Variants in STARD6 observed in about 807,000 individuals in gnomAD.
STARD6 encodes the protein StAR related lipid transfer domain containing 6.
Under a neutral mutation model 22.3 loss-of-function variants are expected in STARD6, and 21 were observed. That is an observed-to-expected ratio of 0.94 (90% confidence interval 0.67 to 1.35). The LOEUF (loss-of-function observed/expected upper bound fraction) is 1.35, where lower values mean the gene tolerates loss of function less well. STARD6 is among the 40% of genes most tolerant of loss of function. The pLI is 0.00. For synonymous variants in STARD6, 80 were observed against 88.1 expected, an observed-to-expected ratio of 0.91 and a Z score of 0.52; for missense variants, 269 against 266.9, an observed-to-expected ratio of 1.01 and a Z score of -0.05.
intron 2 of STARD6, among the ~76,000 whole-genome samples, chr18:54,354,879 T>C (rs1599313629): frequency 6.6e-6 from 1 of 152,284 alleles, no homozygotes; most frequent in East Asian, 1.9e-4. Flanking sequence ...CAAGGTAAAA[T>C]TAGGATAATA....
intron 3 of STARD6, 142 bp from the exon 4 acceptor site, chr18:54,354,245 TCTCA>T (rs1327533740): frequency 4.8e-6 from 3 of 627,306 alleles, no homozygotes; most frequent in Non-Finnish European, 8.2e-6. Context: ...AGAGACAGGG[TCTCA>T]CTATGTTGCC....
chr18:54,331,954 C>T, intron 5 of STARD6, 95 bp from the exon 6 acceptor site: 5 of 801,564 alleles, frequency 6.2e-6, no homozygotes, highest in Non-Finnish European at 3.8e-6. Flanking sequence ...TGATTGGCCT[C>T]TATTTGGAAA....
At chr18:54,335,989 C>G (rs571781409) in intron 5 of STARD6, among the ~76,000 whole-genome samples, 3 of 152,168 alleles carry the variant, frequency 2.0e-5, no homozygotes, top group Non-Finnish European at 1.5e-5. Context: ...AATGCAACCT[C>G]TTTTCACCAT....
intron 4 of STARD6, among the ~76,000 whole-genome samples, chr18:54,347,044 A>G (rs1364820422): frequency 6.6e-6 from 1 of 152,120 alleles, no homozygotes; most frequent in African/African-American, 2.4e-5. Context: ...AGTAGGTGAA[A>G]TTTAGGGTAC....
chr18:54,339,611 A>G (rs554450290), intron 4 of STARD6, among the ~76,000 whole-genome samples: 6 of 152,300 alleles, frequency 3.9e-5, no homozygotes, highest in South Asian at 4.1e-4. Flanking sequence ...ACCAAAAAAG[A>G]ATTCTATATC....
chr18:54,343,523 C>T (rs1167443472), intron 4 of STARD6, among the ~76,000 whole-genome samples: 1 of 86,932 alleles, frequency 1.2e-5, no homozygotes, highest in Non-Finnish European at 2.4e-5. Context: ...GCCCGGCCAG[C>T]CGCCCCGTCC....
intron 4 of STARD6, among the ~76,000 whole-genome samples, chr18:54,346,057 C>T (rs931013599): frequency 8.5e-5 from 13 of 152,126 alleles, no homozygotes; most frequent in Middle Eastern, 3.4e-3. Flanking sequence ...CAACAGAAGA[C>T]GGATAAATTG....
chr18:54,326,968 C>G (rs2088829967), intron 7 of STARD6, among the ~76,000 whole-genome samples: 1 of 152,146 alleles, frequency 6.6e-6, no homozygotes, highest in Non-Finnish European at 1.5e-5. Flanking sequence ...GACTCAGGAA[C>G]TAGTCTGCCT....
At position 54,337,250 on chromosome 18, in the gene STARD6, A is replaced by G. The variant is rs982607043; in HGVS notation, c.142T>C (p.Tyr48His). The change falls in exon 5 of 8, where the codon TAT (tyrosine) becomes CAT (histidine). Residue 48 changes from tyrosine to histidine, a missense_variant and splice_region_variant. Tyr to His is a moderately conservative substitution (Grantham distance 83). Coordinates refer to ENST00000307844, the MANE Select transcript of STARD6 (RefSeq NM_139171.2). ...KASRKFHGNLYRVEGIIPESP... is the reference protein window; with the variant it reads ...KASRKFHGNLHRVEGIIPESP... ...TCTGGAATTATCCCTTCAACACGAT[A>G]TCTACAGTTAACAAAATAAAGAAAA... 6.2e-7 allele frequency: 1 copy of G among 1,606,742 alleles called. No homozygotes were observed. The highest frequency in any genetic ancestry group is 1.3e-5 in the African/African-American group (1 of 74,390).
intron 4 of STARD6, among the ~76,000 whole-genome samples, chr18:54,351,660 T>C (rs1448389414): frequency 3.9e-5 from 6 of 152,218 alleles, no homozygotes. Flanking sequence ...CAAAAAGAGA[T>C]GCTGGATTTT....
intron 6 of STARD6, 65 bp from the exon 7 acceptor site, chr18:54,329,505 A>G (rs2088849920): frequency 4.7e-6 from 6 of 1,290,160 alleles, no homozygotes; most frequent in Non-Finnish European, 6.5e-6. Flanking sequence ...TTCCAGCAGC[A>G]TATTTTTAGA....
At chr18:54,352,406 C>T (rs1405692175) in intron 4 of STARD6, among the ~76,000 whole-genome samples, 1 of 152,088 alleles carries the variant, frequency 6.6e-6, no homozygotes, top group Non-Finnish European at 1.5e-5. Context: ...GTGGTCCCAG[C>T]TACTTGAGAA....
intron 3 of STARD6, 35 bp downstream of exon 3, chr18:54,354,449 A>G (rs778481580): frequency 2.6e-6 from 4 of 1,526,810 alleles, no homozygotes. Context: ...ACTTAAAAAC[A>G]AAGTCTTGAA....
intron 4 of STARD6, among the ~76,000 whole-genome samples, chr18:54,344,584 A>T (rs867488848): frequency 6.7e-4 from 7 of 10,378 alleles, no homozygotes; most frequent in East Asian, 3.6e-3. Context: ...AAAATAAATT[A>T]AAAAAAAAAA....
chr18:54,343,470 G>A (rs1271801198), intron 4 of STARD6, among the ~76,000 whole-genome samples: 13 of 120,188 alleles, frequency 1.1e-4, no homozygotes, highest in African/African-American at 3.0e-4. Context: ...GGTGAGGGGC[G>A]CCTCTGCCCG....
intron 5 of STARD6, among the ~76,000 whole-genome samples, chr18:54,334,178 A>C (rs1420300588): frequency 6.6e-6 from 1 of 152,094 alleles, no homozygotes; most frequent in Non-Finnish European, 1.5e-5. Flanking sequence ...GACTCTATAT[A>C]TCTTTGGGTT....
At chr18:54,337,457 C>A (rs2088926409) in intron 4 of STARD6, among the ~76,000 whole-genome samples, 1 of 152,116 alleles carries the variant, frequency 6.6e-6, no homozygotes, top group Non-Finnish European at 1.5e-5. Context: ...TACATTATTT[C>A]AAAATTCATT....
intron 4 of STARD6, among the ~76,000 whole-genome samples, chr18:54,349,166 A>G (rs1013139135): frequency 3.3e-5 from 5 of 152,184 alleles, no homozygotes; most frequent in Non-Finnish European, 5.9e-5. Flanking sequence ...GTGAAGTGCT[A>G]TGAAGAAGAT....
At chr18:54,331,685 A>G in intron 6 of STARD6, 57 bp downstream of exon 6, 1 of 1,169,050 alleles carries the variant, frequency 8.6e-7, no homozygotes, top group Non-Finnish European at 1.2e-6. Flanking sequence ...ATAAAGGGAA[A>G]ACATTTATTA....
Sources: allele counts gnomAD v4.1 joint callset (sites outside exome capture counted in the v4.1 genomes callset), GRCh38; gene constraint gnomAD v4.1.1; transcripts MANE v1.5; gene names NCBI Gene and HGNC (gene_info 2026-07-23, HGNC 2026-07-21).